The following PACS2 variants were observed in gnomAD, a reference collection of about 807,000 sequenced individuals.
PACS2 encodes the protein PACS1-like protein.
Under a neutral mutation model 113.0 loss-of-function variants are expected in PACS2, and 36 were observed. The observed-to-expected ratio is 0.32, with a 90% CI of 0.24 to 0.42. The LOEUF (loss-of-function observed/expected upper bound fraction) is 0.42. Among genes scored for constraint, PACS2 ranks in the 10% least tolerant of loss-of-function variants. PACS2 has a pLI of 1.00. For missense variants in PACS2, 1,015 were observed against 1,239.5 expected (o/e 0.82, Z 2.72); for synonymous variants, 589 against 536.1 (o/e 1.10, Z -1.36).
rs587684556 is a variant in PACS2 at position 105,368,559 on chromosome 14, A to C, written c.741+20A>C. On this transcript the variant is annotated intron_variant, in intron 7 of 24. Coordinates refer to ENST00000447393, the MANE Select transcript of PACS2 (RefSeq NM_001100913.3). ...ACCAGGGTTGGTGGAGACTGCTTCT[A>C]TGAATGCTGGGGAAGGCGAGGGTCG... is the stretch of plus-strand genomic sequence containing the variant. 2 of 1,594,362 alleles carry C rather than the reference A, an allele frequency of 1.3e-6. No homozygotes were observed. Among genetic ancestry groups the C allele is most frequent in the Non-Finnish European group, 1.7e-6 (2 of 1,162,132 alleles).
intron 1 of PACS2, among the ~76,000 whole-genome samples, chr14:105,308,226 T>C (rs4983601): frequency 3.3e-5 from 5 of 151,676 alleles, no homozygotes; most frequent in African/African-American, 9.7e-5. Flanking sequence ...TCACACCTGT[T>C]ATCCCAGCAC....
At chr14:105,302,629 A>C (rs1427073451) in intron 1 of PACS2, among the ~76,000 whole-genome samples, 2 of 152,028 alleles carry the variant, frequency 1.3e-5, no homozygotes, top group Non-Finnish European at 2.9e-5. Flanking sequence ...TCTGTCACCC[A>C]AGGTGGAGTG....
At chr14:105,338,412 G>T (rs1041228125) in intron 1 of PACS2, among the ~76,000 whole-genome samples, 2 of 152,180 alleles carry the variant, frequency 1.3e-5, no homozygotes, top group Non-Finnish European at 2.9e-5. Context: ...GGGGGCGGTG[G>T]TGGGGCATTC....
chr14:105,391,512 T>TGGCCCCCCCCCCCCCC, intron 21 of PACS2, 119 bp from the exon 22 acceptor site: 2 of 611,310 alleles, frequency 3.3e-6, no homozygotes, highest in Non-Finnish European at 2.9e-6. Flanking sequence ...CACTGGGGAC[T>TGGCCCCCCCCCCCCCC]CCCACCCTGC....
At chr14:105,372,444 A>G (rs2061191559) in intron 8 of PACS2, 1 of 152,258 alleles carries the variant, frequency 6.6e-6, no homozygotes, top group Admixed American at 6.5e-5. Context: ...GTAAAAGCCT[A>G]AAATTTAAAT....
intron 18 of PACS2, 112 bp downstream of exon 18, chr14:105,385,099 C>T (rs587734000): frequency 5.9e-5 from 43 of 729,942 alleles, no homozygotes; most frequent in African/African-American, 3.3e-4. Flanking sequence ...AGCCCTGCAC[C>T]GGGCTTAGAC....
At chr14:105,390,056 C>A (rs2081305071) in intron 20 of PACS2, 53 bp downstream of exon 20, 2 of 1,480,480 alleles carry the variant, frequency 1.4e-6, no homozygotes, top group Non-Finnish European at 1.9e-6. Context: ...GCCAACTTGT[C>A]GTTTACAGTC....
chr14:105,396,271 C>T lies in PACS2; in HGVS notation c.*1599C>T, dbSNP rs1483716041. 2 of 152,390 alleles carry T rather than the reference C, an allele frequency of 1.3e-5. No individual in the cohort carries two copies. The highest frequency in any genetic ancestry group is 2.9e-5 in the Non-Finnish European group (2 of 68,216). 9.4% of individuals were successfully genotyped at this position (152,390 alleles called of 1,614,324 possible). ...CTCCACACCAGGGACTCCTCCTTCACCTGGGACCAGGAGCCTGGGGCACAC... is the reference window on the plus strand; with the variant it reads ...CTCCACACCAGGGACTCCTCCTTCATCTGGGACCAGGAGCCTGGGGCACAC... On this transcript the variant is annotated 3_prime_UTR_variant, in exon 25 of 25. Coordinates refer to ENST00000447393, the MANE Select transcript of PACS2 (RefSeq NM_001100913.3).
chr14:105,351,562 A>G (rs1323770772), intron 2 of PACS2, among the ~76,000 whole-genome samples: 3 of 152,224 alleles, frequency 2.0e-5, no homozygotes, highest in African/African-American at 7.2e-5. Context: ...GCTTTAGGCC[A>G]GGTGCAGTGG....
chr14:105,331,857 C>T (rs1375185871), intron 1 of PACS2, among the ~76,000 whole-genome samples: 1 of 152,198 alleles, frequency 6.6e-6, no homozygotes, highest in Non-Finnish European at 1.5e-5. Context: ...CTTTCAGTGC[C>T]TGAAGATGGC....
chr14:105,359,631 G>T (rs1480183071), intron 4 of PACS2, among the ~76,000 whole-genome samples: 2 of 115,550 alleles, frequency 1.7e-5, no homozygotes, highest in Non-Finnish European at 3.3e-5. Flanking sequence ...TCGCTCTGTC[G>T]CCCAGGCTGG....
Position 105,354,306 on chromosome 14 carries a change from T to C in PACS2, c.298-746T>C, listed in dbSNP as rs1209333462. On this transcript the variant is annotated intron_variant, in intron 3 of 24. Coordinates refer to ENST00000447393, the MANE Select transcript of PACS2 (RefSeq NM_001100913.3). The surrounding 1 kb of genome is among the most constrained non-coding windows in gnomAD (Gnocchi z 4.2). ...TTGTAGAGATGGGGTTTTGCCATGT[T>C]GGCTAGGGTGGTCTCGAACTCCCTA... Among the ~76,000 whole-genome samples, 1 of 152,078 alleles carries C rather than the reference T, an allele frequency of 6.6e-6. No homozygotes were observed. The highest frequency in any genetic ancestry group is 2.4e-5 in the African/African-American group (1 of 41,414).
intron 1 of PACS2, among the ~76,000 whole-genome samples, chr14:105,336,825 C>T (rs745452475): frequency 3.3e-5 from 5 of 152,138 alleles, no homozygotes; most frequent in Admixed American, 6.5e-5. Flanking sequence ...GGCAGCCCCT[C>T]GGGAAATGAG....
intron 9 of PACS2, among the ~76,000 whole-genome samples, chr14:105,378,756 G>A (rs1555411135): frequency 6.6e-6 from 1 of 152,262 alleles, no homozygotes; most frequent in African/African-American, 2.4e-5. Context: ...TATTGAATCT[G>A]TAGGTCTCCC....
Position 105,392,926 on chromosome 14 carries a change from G to A in PACS2, c.2482+81G>A, listed in dbSNP as rs2081408101. 2.6e-6 allele frequency: 3 copies of A among 1,165,124 alleles called. No homozygotes were observed. The East Asian group carries it at 7.2e-5, about 28-fold the overall frequency. The allele number at this position is 1,165,124 out of a possible 1,614,324, so 72.2% of individuals were successfully genotyped here. On this transcript the variant is annotated intron_variant, in intron 23 of 24. Transcript: ENST00000447393. ...AGGGCGGCTCGCAGTCAACAGGGAT[G>A]ACAGCCCCCGGGCTGGCCTCGGGCA...
At chr14:105,351,494 G>A (rs1269724452) in intron 2 of PACS2, among the ~76,000 whole-genome samples, 5 of 152,086 alleles carry the variant, frequency 3.3e-5, no homozygotes, top group Non-Finnish European at 7.4e-5. Context: ...TTGTATCTCT[G>A]TATGTTTTAC....
rs2058576584 is a variant in PACS2 at position 105,315,712 on chromosome 14, G to C, written c.119+675G>C. On this transcript the variant is annotated intron_variant, in intron 1 of 24. Transcript: ENST00000447393. This position sits in a 1 kb window ranked among gnomAD's most constrained non-coding sequence, Gnocchi z 4.4. ...AACGATTGGACAGGGTTTACCCTCC[G>C]GCCATAGCCCAGCCTTCCTTGGACT... 6.6e-6 allele frequency: 1 copy of C among 152,280 alleles called. No homozygotes were observed. Among genetic ancestry groups the C allele is most frequent in the South Asian group, 2.1e-4 (1 of 4,834 alleles). 9.4% of individuals were successfully genotyped at this position (152,280 alleles called of 1,614,324 possible).
intron 1 of PACS2, among the ~76,000 whole-genome samples, chr14:105,316,289 T>G (rs1221637395): frequency 6.6e-6 from 1 of 152,208 alleles, no homozygotes; most frequent in Non-Finnish European, 1.5e-5. Flanking sequence ...ACTGCAGATG[T>G]GCCTGCTTGC....
At chr14:105,375,854 G>C (rs587690831) in intron 8 of PACS2, among the ~76,000 whole-genome samples, 14 of 152,318 alleles carry the variant, frequency 9.2e-5, no homozygotes, top group Non-Finnish European at 1.8e-4. Context: ...CATAATGCCC[G>C]TCAGCTGGTG....
Sources: gnomAD v4.1 joint callset for allele counts (sites outside exome capture counted in the v4.1 genomes callset) on GRCh38, gnomAD v4.1.1 for gene constraint, Gnocchi (gnomAD v3.1) non-coding constraint, MANE v1.5 for transcripts, NCBI Gene and HGNC (gene_info 2026-07-23, HGNC 2026-07-21) for gene names.